The following MIR2052HG variants were observed in gnomAD, a reference collection of about 807,000 sequenced individuals.
MIR2052HG encodes MIR2052 host gene.
intron 2 of MIR2052HG, among the ~76,000 whole-genome samples, chr8:74,657,498 A>G (rs1055245662): frequency 6.6e-6 from 1 of 152,106 alleles, no homozygotes; most frequent in African/African-American, 2.4e-5. Flanking sequence ...AGAAATGCCA[A>G]ATCTCCAGAC....
rs911895557 is a variant in MIR2052HG, at chr8:74,658,616, C to T, written n.217-43763C>T. On this transcript the variant is annotated intron_variant and non_coding_transcript_variant, in intron 2 of 6. Coordinates refer to ENST00000523442, the Ensembl canonical transcript of MIR2052HG. ...GGCTAGGCTGGTCTCGAACTCCTGA[C>T]CTCAAGTGATCTGCCCACGTCAGCT... Among the ~76,000 whole-genome samples, 20 of 152,276 alleles carry T rather than the reference C, an allele frequency of 1.3e-4. 1 individual carries two copies. The highest frequency in any genetic ancestry group is 4.3e-4 in the African/African-American group (18 of 41,536).
intron 4 of MIR2052HG, among the ~76,000 whole-genome samples, chr8:74,716,702 T>A (rs1175572350): frequency 6.6e-6 from 1 of 151,940 alleles, no homozygotes; most frequent in Non-Finnish European, 1.5e-5. Flanking sequence ...AGAACAAGAC[T>A]CTGTCTCAAA....
At chr8:74,724,685 T>C (rs269173) in intron 4 of MIR2052HG, among the ~76,000 whole-genome samples, 99,451 of 152,088 alleles carry the variant, frequency 0.65, 34,134 homozygotes, top group African/African-American at 0.87. Context: ...GCTGACATTT[T>C]TGGTTCTAAC....
chr8:74,675,433 G>T (rs1809040280), intron 2 of MIR2052HG, among the ~76,000 whole-genome samples: 1 of 152,006 alleles, frequency 6.6e-6, no homozygotes, highest in African/African-American at 2.4e-5. Context: ...AAGTATTCCA[G>T]AAGGTATGAA....
chr8:74,608,107 T>C (rs753835694), intron 1 of MIR2052HG, among the ~76,000 whole-genome samples: 27 of 152,210 alleles, frequency 1.8e-4, no homozygotes, highest in Non-Finnish European at 3.7e-4. Context: ...GACAGTTTCC[T>C]GGTAGGTTAA....
At chr8:74,600,076 G>A (rs936685634) in intron 1 of MIR2052HG, among the ~76,000 whole-genome samples, 1 of 151,082 alleles carries the variant, frequency 6.6e-6, no homozygotes, top group African/African-American at 2.4e-5. Context: ...ATGCCTCGCC[G>A]TGCTTCGGCT....
At chr8:74,687,678 G>T (rs1809196816) in intron 2 of MIR2052HG, among the ~76,000 whole-genome samples, 1 of 152,062 alleles carries the variant, frequency 6.6e-6, no homozygotes, top group East Asian at 1.9e-4. Context: ...CAGGGGTTGG[G>T]GGTGAGGGAA....
At chr8:74,623,481 C>T (rs968452073) in intron 2 of MIR2052HG, among the ~76,000 whole-genome samples, 1 of 152,000 alleles carries the variant, frequency 6.6e-6, no homozygotes, top group Non-Finnish European at 1.5e-5. Context: ...TAGGCAGGAA[C>T]GTCAACTGTT....
At position 74,736,203 on chromosome 8, in the gene MIR2052HG, T is replaced by C. The variant is rs192175214; in HGVS notation, n.372-16238T>C. ...ACTCCCAAAATACTCCTTTGGTCTC[T>C]TTCTTTTTCCATTGCACTCTCACAT... On this transcript the variant is annotated intron_variant and non_coding_transcript_variant, in intron 4 of 6. Transcript: ENST00000523442. 9.9e-4 allele frequency among the ~76,000 whole-genome samples: 151 copies of C among 152,316 alleles called. 1 individual carries two copies. The highest frequency in any genetic ancestry group is 3.3e-3 in the African/African-American group (137 of 41,574).
chr8:74,679,595 G>T (rs193070301), intron 2 of MIR2052HG, among the ~76,000 whole-genome samples: 1 of 150,118 alleles, frequency 6.7e-6, no homozygotes, highest in Non-Finnish European at 1.5e-5. Flanking sequence ...TCACGATCTC[G>T]GCTTACTGCA....
chr8:74,676,546 A>G (rs1016408835), intron 2 of MIR2052HG, among the ~76,000 whole-genome samples: 1 of 151,958 alleles, frequency 6.6e-6, no homozygotes, highest in African/African-American at 2.4e-5. Flanking sequence ...CAATCCAAAA[A>G]ATACAAGAGA....
chr8:74,724,849 A>G (rs1809617152), intron 4 of MIR2052HG, among the ~76,000 whole-genome samples: 1 of 152,058 alleles, frequency 6.6e-6, no homozygotes, highest in Admixed American at 6.6e-5. Flanking sequence ...ACACTGTATT[A>G]TGGACTTTTT....
chr8:74,680,085 TA>T (rs1394910196), intron 2 of MIR2052HG, among the ~76,000 whole-genome samples: 1 of 152,224 alleles, frequency 6.6e-6, no homozygotes, highest in East Asian at 1.9e-4. Context: ...TAAGAATTAG[TA>T]ACGGAGTTAA....
At chr8:74,708,873 G>A (rs1809437005) in intron 4 of MIR2052HG, among the ~76,000 whole-genome samples, 1 of 151,654 alleles carries the variant, frequency 6.6e-6, no homozygotes, top group Admixed American at 6.6e-5. Context: ...TTTTAAAAGT[G>A]CATGGCATAT....
chr8:74,643,151 G>A (rs922964682), intron 2 of MIR2052HG, among the ~76,000 whole-genome samples: 1 of 152,156 alleles, frequency 6.6e-6, no homozygotes, highest in Non-Finnish European at 1.5e-5. Context: ...CCACAGGTAG[G>A]AATATCCAAT....
chr8:74,629,676 G>T (rs748696845), intron 2 of MIR2052HG, among the ~76,000 whole-genome samples: 5 of 152,142 alleles, frequency 3.3e-5, no homozygotes, highest in South Asian at 2.1e-4. Context: ...ACTCACAGAA[G>T]CTGGGGGTGG....
At chr8:74,629,182 G>A (rs890244325) in intron 2 of MIR2052HG, among the ~76,000 whole-genome samples, 1 of 152,082 alleles carries the variant, frequency 6.6e-6, no homozygotes, top group Non-Finnish European at 1.5e-5. Flanking sequence ...TTTTTGGCAA[G>A]CAACTTATTT....
chr8:74,730,918 T>G (rs1586925861), intron 4 of MIR2052HG, among the ~76,000 whole-genome samples: 1 of 152,172 alleles, frequency 6.6e-6, no homozygotes, highest in Non-Finnish European at 1.5e-5. Context: ...TCTGCTCAGG[T>G]GCCTGAAAAG....
intron 2 of MIR2052HG, among the ~76,000 whole-genome samples, chr8:74,686,918 TC>T (rs1037420794): frequency 1.3e-5 from 2 of 152,120 alleles, no homozygotes; most frequent in African/African-American, 4.8e-5. Flanking sequence ...ATTTGCAGAA[TC>T]CCTTTTAAAA....
Sources: allele counts gnomAD v4.1 joint callset (sites outside exome capture counted in the v4.1 genomes callset), GRCh38; gene constraint gnomAD v4.1.1; transcripts MANE v1.5; gene names NCBI Gene and HGNC (gene_info 2026-07-23, HGNC 2026-07-21).